WDR86: variants seen among roughly 807,000 people sequenced by gnomAD.
WDR86 encodes WD repeat domain 86.
A neutral mutation model predicts 36.5 loss-of-function variants in WDR86; 30 were observed. That is an observed-to-expected ratio of 0.82 (90% CI 0.61 to 1.11). The LOEUF (loss-of-function observed/expected upper bound fraction) is 1.11. Ranked by LOEUF, WDR86 falls within the 50% of genes most tolerant of loss-of-function variation. WDR86 has a pLI of 0.00. For missense variants in WDR86, 545 were observed against 561.2 expected, an observed-to-expected ratio of 0.97 and a Z score of 0.29; for synonymous variants, 255 against 252.9, an observed-to-expected ratio of 1.01 and a Z score of -0.08.
chr7:151,384,952 AAGGAACG>A (rs1315642534), intron 4 of WDR86, 129 bp downstream of exon 4: 1 of 976,788 alleles, frequency 1.0e-6, no homozygotes, highest in Non-Finnish European at 1.5e-6. Context: ...GTGTGTGGAG[AAGGAACG>A]AGCACTGCCA....
intron 1 of WDR86, among the ~76,000 whole-genome samples, chr7:151,400,656 T>A (rs1800219601): frequency 6.6e-6 from 1 of 152,220 alleles, no homozygotes; most frequent in African/African-American, 2.4e-5. Flanking sequence ...GTGCTGGAAT[T>A]ACAGGCGTGA....
rs73474452 is a variant in WDR86, at chr7:151,393,180, G to A, written c.726+2596C>T. ...TGTTTGTGGGCATGCATGTACGTGC[G>A]TGGCTTGTCTGTGTTCACACGTGTG... On this transcript the variant is annotated intron_variant, in intron 3 of 5. Transcript: ENST00000334493. Among the ~76,000 whole-genome samples the A allele has an allele frequency of 4.7e-3, 717 of 152,340 alleles. 8 individuals carry two copies. Among genetic ancestry groups the A allele is most frequent in the African/African-American group, 0.016 (682 of 41,578 alleles).
chr7:151,378,528 A>T (rs1191632021), downstream of WDR86: 1 of 152,174 alleles, frequency 6.6e-6, no homozygotes, highest in African/African-American at 2.4e-5. Flanking sequence ...CTAGCTCTTC[A>T]TTTTGATTGC....
rs148080820 is a variant in WDR86, at chr7:151,396,555, G to C, written c.306-359C>G. Among the ~76,000 whole-genome samples the C allele has an allele frequency of 4.0e-3, 607 of 152,350 alleles. 4 individuals carry two copies. The highest frequency in any genetic ancestry group is 0.014 in the African/African-American group (591 of 41,582). On this transcript the variant is annotated intron_variant, in intron 2 of 5. Transcript: ENST00000334493. Reference sequence around the variant, plus strand: ...CGGGAAGCGGGTGGGGGGGAAGGTAGGGGAGCACGGCCCTCTCAGCTTGCC... The same window carrying C: ...CGGGAAGCGGGTGGGGGGGAAGGTACGGGAGCACGGCCCTCTCAGCTTGCC...
chr7:151,409,225 A>C lies in WDR86; in HGVS notation c.163+202T>G. 8.0e-6 allele frequency: 6 copies of C among 748,868 alleles called. No individual in the cohort carries two copies. Among genetic ancestry groups the C allele is most frequent in the Non-Finnish European group, 6.3e-6 (3 of 477,316 alleles). 46.4% of individuals were successfully genotyped at this position (748,868 alleles called of 1,614,324 possible). On this transcript the variant is annotated intron_variant, in intron 1 of 5. Coordinates refer to ENST00000334493, the MANE Select transcript of WDR86 (RefSeq NM_198285.3). This position sits in a 1 kb window ranked among gnomAD's most constrained non-coding sequence, Gnocchi z 5.2. ...CGGCCGCACCCTGCTCTGCACCCGC[A>C]CCCCACCCCCAGACCTCACCCTGCC...
chr7:151,398,387 TTG>T (rs1234607847), intron 2 of WDR86, among the ~76,000 whole-genome samples: 3 of 151,220 alleles, frequency 2.0e-5, no homozygotes, highest in Non-Finnish European at 4.4e-5. Context: ...TATGTGTAAG[TTG>T]TGTGTATGGG....
chr7:151,396,813 G>A (rs1439632016), intron 2 of WDR86, among the ~76,000 whole-genome samples: 1 of 152,186 alleles, frequency 6.6e-6, no homozygotes, highest in African/African-American at 2.4e-5. Context: ...GGGGGCCTCT[G>A]CTGCCAGCTC....
rs966256735 is a variant in WDR86 at position 151,406,126 on chromosome 7, C to T, written c.163+3301G>A. Among the ~76,000 whole-genome samples, 1 of 152,214 alleles carries T rather than the reference C, an allele frequency of 6.6e-6. No individual in the cohort carries two copies. Among genetic ancestry groups the T allele is most frequent in the African/African-American group, 2.4e-5 (1 of 41,446 alleles). On this transcript the variant is annotated intron_variant, in intron 1 of 5. Coordinates refer to ENST00000334493, the MANE Select transcript of WDR86 (RefSeq NM_198285.3). This position sits in a 1 kb window ranked among gnomAD's most constrained non-coding sequence, Gnocchi z 4.4. ...GCCTTTTTCACTGTGAGCTCACCAA[C>T]CGCATTTGAAAGGCAATTCCGTGTA...
Position 151,402,047 on chromosome 7 carries a change from C to CAAAAAAAAAA in WDR86, c.164-1816_164-1807dup, listed in dbSNP as rs71198714. 4.7e-4 allele frequency among the ~76,000 whole-genome samples: 7 copies of CAAAAAAAAAA among 14,954 alleles called. 2 individuals are homozygous for CAAAAAAAAAA. The highest frequency in any genetic ancestry group is 2.4e-3 in the African/African-American group (7 of 2,888). The allele number at this position is 14,954 out of a possible 152,430, so 9.8% of individuals were successfully genotyped here. A position where few individuals can be genotyped will look rare whatever the true frequency, so the allele number is the denominator to read the frequency against. On this transcript the variant is annotated intron_variant, in intron 1 of 5. Coordinates refer to ENST00000334493, the MANE Select transcript of WDR86 (RefSeq NM_198285.3). ...TGGGTGACAGAGCAAAACTCTGCCT[C>CAAAAAAAAAA]AAAAAAAAAAAAAAAAAAAAAAAAT...
downstream of WDR86, among the ~76,000 whole-genome samples, chr7:151,380,629 G>A (rs1798501345): frequency 6.6e-6 from 1 of 152,054 alleles, no homozygotes; most frequent in Non-Finnish European, 1.5e-5. Flanking sequence ...TCTCCTGCAG[G>A]GCCCCTCGGC....
chr7:151,382,179 T>G (rs369045001), intron 4 of WDR86, among the ~76,000 whole-genome samples, 198 bp from the exon 5 acceptor site: 1 of 152,092 alleles, frequency 6.6e-6, no homozygotes, highest in Admixed American at 6.5e-5. Context: ...TGCAGATGCC[T>G]GCGCGCCAGC....
intron 3 of WDR86, among the ~76,000 whole-genome samples, chr7:151,386,238 G>A (rs997444617): frequency 8.5e-5 from 13 of 152,110 alleles, no homozygotes; most frequent in Non-Finnish European, 1.6e-4. Flanking sequence ...TCACGACCAC[G>A]CTCTGGGCCA....
At chr7:151,386,696 G>A (rs1331321767) in intron 3 of WDR86, among the ~76,000 whole-genome samples, 1 of 152,170 alleles carries the variant, frequency 6.6e-6, no homozygotes, top group African/African-American at 2.4e-5. Context: ...TCCTGAGCCT[G>A]CCGGGCACAC....
rs1416024418 is a variant in WDR86 at position 151,381,356 on chromosome 7, A to G, written c.*226T>C. On this transcript the variant is annotated 3_prime_UTR_variant, in exon 6 of 6. Coordinates refer to ENST00000334493, the MANE Select transcript of WDR86 (RefSeq NM_198285.3). The surrounding 1 kb of genome is among the most constrained non-coding windows in gnomAD (Gnocchi z 4.8). The stretch of plus-strand genomic sequence containing the variant: ...GGGATGGGGAGGGAGGACAGGAGCC[A>G]CCCTAAAAGGGAAAAGGGGGCGGTC... The G allele has an allele frequency of 2.1e-5, 29 of 1,412,804 alleles. No individual in the cohort carries two copies. Among genetic ancestry groups the G allele is most frequent in the Non-Finnish European group, 2.7e-5 (29 of 1,093,076 alleles). The allele number at this position is 1,412,804 out of a possible 1,614,324, so 87.5% of individuals were successfully genotyped here.
At chr7:151,385,322 TG>T (rs780745743) in intron 3 of WDR86, 99 bp from the exon 4 acceptor site, 239 of 1,546,422 alleles carry the variant, frequency 1.5e-4, no homozygotes, top group Non-Finnish European at 2.0e-4. Context: ...CAGGTCTCAG[TG>T]GTGAAACCAT....
chr7:151,406,420 C>A lies in WDR86; in HGVS notation c.163+3007G>T, dbSNP rs1165753498. 6.6e-6 allele frequency among the ~76,000 whole-genome samples: 1 copy of A among 152,238 alleles called. No individual in the cohort carries two copies. Among genetic ancestry groups the A allele is most frequent in the East Asian group, 1.9e-4 (1 of 5,202 alleles). ...GAAAAGCGTACGTAGGAGTCGCCAG[C>A]CCCAGCCACTCTGCTCGAGAAATCC... On this transcript the variant is annotated intron_variant, in intron 1 of 5. Coordinates refer to ENST00000334493, the MANE Select transcript of WDR86 (RefSeq NM_198285.3). This position sits in a 1 kb window ranked among gnomAD's most constrained non-coding sequence, Gnocchi z 4.4.
At position 151,401,815 on chromosome 7, in the gene WDR86, C is replaced by T. The variant is rs1800313655; in HGVS notation, c.164-1574G>A. On this transcript the variant is annotated intron_variant, in intron 1 of 5. Coordinates refer to ENST00000334493, the MANE Select transcript of WDR86 (RefSeq NM_198285.3). This position sits in a 1 kb window ranked among gnomAD's most constrained non-coding sequence, Gnocchi z 4.3. ...CTGTAATTCCAGCACTTTGGGAGGC[C>T]GAGGCGGGTGGATCACAAGGTCAGG... Among the ~76,000 whole-genome samples, 2 of 151,464 alleles carry T rather than the reference C, an allele frequency of 1.3e-5. No homozygotes were observed. Among genetic ancestry groups the T allele is most frequent in the South Asian group, 4.2e-4 (2 of 4,818 alleles).
Position 151,405,378 on chromosome 7 carries a change from C to T in WDR86, c.163+4049G>A, listed in dbSNP as rs903425251. ...TTCCAGGATGCAGTGGCTGCGTCCC[C>T]GACTCAGGCCCAGAAGAGGTGACAG... On this transcript the variant is annotated intron_variant, in intron 1 of 5. Transcript: ENST00000334493. This position sits in a 1 kb window ranked among gnomAD's most constrained non-coding sequence, Gnocchi z 4.7. Among the ~76,000 whole-genome samples the T allele has an allele frequency of 2.6e-5, 4 of 152,266 alleles. No individual in the cohort carries two copies. Among genetic ancestry groups the T allele is most frequent in the East Asian group, 3.9e-4 (2 of 5,168 alleles).
At chr7:151,398,192 T>A (rs1483679525) in intron 2 of WDR86, among the ~76,000 whole-genome samples, 4 of 152,146 alleles carry the variant, frequency 2.6e-5, no homozygotes, top group Non-Finnish European at 5.9e-5. Context: ...TGTGTATATG[T>A]GTATGTTTTG....
Sources: allele counts gnomAD v4.1 joint callset (sites outside exome capture counted in the v4.1 genomes callset), GRCh38; gene constraint gnomAD v4.1.1; non-coding constraint Gnocchi (gnomAD v3.1); transcripts MANE v1.5; gene names NCBI Gene and HGNC (gene_info 2026-07-23, HGNC 2026-07-21).